Variants in MIER3 observed in about 807,000 individuals in gnomAD.
MIER3 encodes mesoderm induction early response protein 3.
Under a neutral mutation model 63.2 loss-of-function variants are expected in MIER3, and 9 were observed. The observed-to-expected ratio is 0.14, with a 90% confidence interval of 0.09 to 0.25. The LOEUF (loss-of-function observed/expected upper bound fraction) is 0.25, where lower values mean the gene tolerates loss of function less well. Among genes scored for constraint, MIER3 ranks in the 10% least tolerant of loss-of-function variants. MIER3 has a pLI of 1.00. For synonymous variants in MIER3, 205 were observed against 224.9 expected (o/e 0.91, Z 0.79); for missense variants, 512 against 666.2 (o/e 0.77, Z 2.55).
In MIER3 at chr5:56,924,090, T is replaced by C. The variant is rs772232519; in HGVS notation, c.925-48A>G. On this transcript the variant is annotated intron_variant, in intron 10 of 12. Transcript: ENST00000381199. ...AAAAAACCAACAAACTCAACCATTT[T>C]TTTAAGCAACTTTTCTTTTCCACAA... The C allele has an allele frequency of 8.8e-6, 14 of 1,582,038 alleles. No homozygotes were observed. In the African/African-American group the frequency reaches 1.8e-4, roughly 20 times the overall value.
chr5:56,942,305 T>G (rs907210260), intron 3 of MIER3, among the ~76,000 whole-genome samples: 6 of 152,232 alleles, frequency 3.9e-5, no homozygotes, highest in Non-Finnish European at 5.9e-5. Context: ...GTCTGAAAAT[T>G]CTTAAACATG....
rs891811251 is a variant in MIER3 at position 56,920,679 on chromosome 5, T to A, written c.*2449A>T. ...AAAAGAAAATTCAATAAATAGCTAT[T>A]TTACATGGATAAAGTCATAGTGGTA... On this transcript the variant is annotated 3_prime_UTR_variant, in exon 13 of 13. Transcript: ENST00000381199. The A allele has an allele frequency of 6.6e-6, 1 of 152,208 alleles. No individual in the cohort carries two copies. The highest frequency in any genetic ancestry group is 6.6e-5 in the Admixed American group (1 of 15,232). The allele number at this position is 152,208 out of a possible 1,614,324, so 9.4% of individuals were successfully genotyped here. A position where few individuals can be genotyped will look rare whatever the true frequency, so the allele number is the denominator to read the frequency against.
At chr5:56,951,795 C>A (rs1337040031) in intron 1 of MIER3, among the ~76,000 whole-genome samples, 3 of 151,506 alleles carry the variant, frequency 2.0e-5, no homozygotes, top group Non-Finnish European at 4.4e-5. Context: ...GGCACTGCCT[C>A]GTCCCTGGGG....
chr5:56,950,728 A>G (rs1022968702), intron 1 of MIER3, 76 bp from the exon 2 acceptor site: 25 of 1,548,642 alleles, frequency 1.6e-5, no homozygotes, highest in Non-Finnish European at 2.0e-5. Context: ...CAGGGCGCAG[A>G]GGAGGCGGAG....
chr5:56,947,180 T>C (rs1750854514), intron 2 of MIER3, 109 bp from the exon 3 acceptor site: 1 of 1,050,366 alleles, frequency 9.5e-7, no homozygotes, highest in Admixed American at 3.5e-5. Flanking sequence ...TATGAGGGTT[T>C]TACTAAATGA....
Position 56,923,507 on chromosome 5 carries a change from T to C in MIER3, c.1274A>G (p.Asn425Ser), listed in dbSNP as rs1473888286. ...ATGATTAACTTGTCCACGGGGTGTG[T>C]TGCCCAGTGGAGGAAAGCTATCATC... is the stretch of plus-strand genomic sequence containing the variant. Reference protein sequence around the residue: ...CLDDSFPPLGNTPRGQVNHVP... With the variant: ...CLDDSFPPLGSTPRGQVNHVP... Residue 425 changes from asparagine to serine, a missense_variant, in exon 13 of 13, where the codon AAC (asparagine) becomes AGC (serine). Asn to Ser is a conservative substitution (Grantham distance 46, BLOSUM62 1). Transcript: ENST00000381199. 4 of 1,614,056 alleles carry C rather than the reference T, an allele frequency of 2.5e-6. No homozygotes were observed. The Admixed American group carries it at 5.0e-5, about 20-fold the overall frequency.
At chr5:56,933,564 C>T (rs190680862) in intron 7 of MIER3, among the ~76,000 whole-genome samples, 166 bp from the exon 8 acceptor site, 4 of 152,242 alleles carry the variant, frequency 2.6e-5, no homozygotes, top group Admixed American at 6.5e-5. Flanking sequence ...CACACACAAG[C>T]GAAAATTTAA....
At chr5:56,927,722 C>T (rs546843494) in intron 10 of MIER3, among the ~76,000 whole-genome samples, 4 of 152,134 alleles carry the variant, frequency 2.6e-5, no homozygotes, top group South Asian at 4.2e-4. Flanking sequence ...CACATCAACA[C>T]GCAAAGACCA....
chr5:56,934,909 C>T (rs1013326790), intron 7 of MIER3, among the ~76,000 whole-genome samples: 2 of 152,198 alleles, frequency 1.3e-5, no homozygotes, highest in Non-Finnish European at 2.9e-5. Flanking sequence ...AAACCAACTA[C>T]AGTTGGAATG....
At chr5:56,930,814 G>T (rs1367836803) in intron 8 of MIER3, 69 bp from the exon 9 acceptor site, 1 of 1,255,012 alleles carries the variant, frequency 8.0e-7, no homozygotes, top group Non-Finnish European at 1.2e-6. Context: ...ACAGGTGTAA[G>T]AGTTTTGATA....
At chr5:56,928,338 G>A (rs1271900224) in intron 10 of MIER3, 1 of 152,840 alleles carries the variant, frequency 6.5e-6, no homozygotes, top group East Asian at 1.9e-4. Flanking sequence ...AAGAGTTCCT[G>A]TTGCTTCCCA....
chr5:56,947,632 G>T (rs994421563), intron 2 of MIER3, among the ~76,000 whole-genome samples: 5 of 152,126 alleles, frequency 3.3e-5, no homozygotes, highest in Admixed American at 6.5e-5. Context: ...TAAAAGCATT[G>T]TATCACTTTA....
At chr5:56,947,631 T>C (rs1344678351) in intron 2 of MIER3, among the ~76,000 whole-genome samples, 1 of 152,188 alleles carries the variant, frequency 6.6e-6, no homozygotes, top group Admixed American at 6.5e-5. Context: ...TTAAAAGCAT[T>C]GTATCACTTT....
At chr5:56,939,288 G>T (rs1207555563) in intron 3 of MIER3, among the ~76,000 whole-genome samples, 4 of 152,104 alleles carry the variant, frequency 2.6e-5, no homozygotes, top group East Asian at 3.9e-4. Flanking sequence ...TCAAATATTT[G>T]CTTTAGTGCC....
intron 5 of MIER3, 127 bp downstream of exon 5, chr5:56,937,451 T>C (rs1579852991): frequency 1.7e-5 from 16 of 919,444 alleles, no homozygotes; most frequent in Non-Finnish European, 2.0e-5. Flanking sequence ...GTTTAAATTA[T>C]AGAAGTATTT....
At chr5:56,936,127 G>A (rs1354897253) in intron 5 of MIER3, among the ~76,000 whole-genome samples, 1 of 152,042 alleles carries the variant, frequency 6.6e-6, no homozygotes, top group East Asian at 1.9e-4. Flanking sequence ...TGAGGCAGGA[G>A]AATCGCCTGA....
At chr5:56,949,392 C>G (rs1457676586) in intron 2 of MIER3, among the ~76,000 whole-genome samples, 2 of 152,184 alleles carry the variant, frequency 1.3e-5, no homozygotes, top group Non-Finnish European at 2.9e-5. Flanking sequence ...ACAGGTTACA[C>G]TGTCTTTTGG....
intron 9 of MIER3, among the ~76,000 whole-genome samples, chr5:56,930,414 G>T (rs1442826215): frequency 6.6e-6 from 1 of 151,938 alleles, no homozygotes; most frequent in Non-Finnish European, 1.5e-5. Context: ...CATGTCTGGG[G>T]TCTGCTTTGT....
Position 56,921,560 on chromosome 5 carries a change from CAAG to C in MIER3, c.*1565_*1567del, listed in dbSNP as rs1579826093. The C allele has an allele frequency of 6.6e-6, 1 of 152,530 alleles. No individual in the cohort carries two copies. Among genetic ancestry groups the C allele is most frequent in the Non-Finnish European group, 1.5e-5 (1 of 67,980 alleles). 9.4% of individuals were successfully genotyped at this position (152,530 alleles called of 1,614,324 possible). A position where few individuals can be genotyped will look rare whatever the true frequency, so the allele number is the denominator to read the frequency against. ...TTCATTAAAATGCTGCAAAGAAAAACAAGAATACACATCATCCAAAACTAAGGA... is the reference window on the plus strand; with the variant it reads ...TTCATTAAAATGCTGCAAAGAAAAACAATACACATCATCCAAAACTAAGGA... On this transcript the variant is annotated 3_prime_UTR_variant, in exon 13 of 13. Transcript: ENST00000381199.
Sources: allele counts gnomAD v4.1 joint callset (sites outside exome capture counted in the v4.1 genomes callset), GRCh38; gene constraint gnomAD v4.1.1; transcripts MANE v1.5; gene names NCBI Gene and HGNC (gene_info 2026-07-23, HGNC 2026-07-21).